The following CRPPA variants were observed in gnomAD, a reference collection of about 807,000 sequenced individuals.
CRPPA encodes CDP-L-ribitol pyrophosphorylase A.
A neutral mutation model predicts 52.0 loss-of-function variants in CRPPA; 43 were observed. The observed-to-expected ratio is 0.83, with a 90% CI of 0.65 to 1.07. The LOEUF is 1.07. Among genes scored for constraint, CRPPA ranks in the 50% least tolerant of loss-of-function variants. The pLI is 0.00. For missense variants in CRPPA, 629 were observed against 551.7 expected (o/e 1.14, Z -1.40); for synonymous variants, 250 against 203.5 (o/e 1.23, Z -1.94).
At position 16,278,155 on chromosome 7, in the gene CRPPA, C is replaced by G. The variant is rs991704762; in HGVS notation, c.907G>C (p.Glu303Gln). 20 of 1,571,524 alleles carry G rather than the reference C, an allele frequency of 1.3e-5. No individual in the cohort carries two copies. The highest frequency in any genetic ancestry group is 1.7e-5 in the Non-Finnish European group (20 of 1,148,578). ...EDNKHVGHLL[E>Q]EVLKSELNHV... is the part of the protein sequence containing the mutation. ...TTTAATTCACTTTTCAGCACTTCTT[C>G]AAGAAGATGACCTACATGTTTGTTA... is the stretch of plus-strand genomic sequence containing the variant. Residue 303 changes from glutamate (E) to glutamine (Q), a missense_variant, in exon 6 of 10, where the codon GAA becomes CAA. Transcript: ENST00000407010.
At chr7:16,095,057 A>T (rs953676321) in intron 9 of CRPPA, among the ~76,000 whole-genome samples, 1 of 152,184 alleles carries the variant, frequency 6.6e-6, no homozygotes, top group Non-Finnish European at 1.5e-5. Flanking sequence ...TAATGGGAGA[A>T]CCTGGGTGTG....
At chr7:16,363,664 C>G (rs529492474) in intron 3 of CRPPA, among the ~76,000 whole-genome samples, 57 of 152,068 alleles carry the variant, frequency 3.7e-4, no homozygotes, top group African/African-American at 1.0e-3. Flanking sequence ...AGAAATGAAA[C>G]AGTCTCTTTA....
intron 6 of CRPPA, among the ~76,000 whole-genome samples, chr7:16,271,202 A>T (rs1784082249): frequency 6.6e-6 from 1 of 152,198 alleles, no homozygotes; most frequent in South Asian, 2.1e-4. Context: ...TTCAGAGTAT[A>T]GATCAGCATT....
Position 16,210,927 on chromosome 7 carries a change from C to T in CRPPA, c.1251+5139G>A, listed in dbSNP as rs773912757. On this transcript the variant is annotated intron_variant, in intron 9 of 9. Transcript: ENST00000407010. ...ACTGTTCAATACATCAGTAGGGTGA[C>T]AATAGTTAACAATCTACTGTACATT... Among the ~76,000 whole-genome samples, 34 of 151,260 alleles carry T rather than the reference C, an allele frequency of 2.2e-4. No individual in the cohort carries two copies. The South Asian group carries it at 2.5e-3, about 11-fold the overall frequency.
chr7:16,095,173 A>G (rs909938435), intron 9 of CRPPA, among the ~76,000 whole-genome samples: 3 of 152,204 alleles, frequency 2.0e-5, no homozygotes, highest in African/African-American at 7.2e-5. Context: ...CTATTTACAA[A>G]TGTTATGTTC....
At chr7:16,108,904 G>A (rs1562508091) in intron 9 of CRPPA, among the ~76,000 whole-genome samples, 2 of 151,594 alleles carry the variant, frequency 1.3e-5, no homozygotes, top group South Asian at 2.1e-4. Flanking sequence ...AATATTTTGC[G>A]ACAAATAGAA....
At chr7:16,209,283 T>G (rs1250799166) in intron 9 of CRPPA, 4 of 201,686 alleles carry the variant, frequency 2.0e-5, no homozygotes, top group Admixed American at 6.2e-5. Flanking sequence ...CTTTTTTTTT[T>G]TTTTTTTGAG....
intron 9 of CRPPA, among the ~76,000 whole-genome samples, chr7:16,158,855 G>A (rs929750826): frequency 6.6e-6 from 1 of 152,144 alleles, no homozygotes; most frequent in Non-Finnish European, 1.5e-5. Flanking sequence ...AGTCCCCTCT[G>A]GCACAAGTGT....
Position 16,114,691 on chromosome 7 carries a change from T to C in CRPPA, c.1252-22892A>G, listed in dbSNP as rs534282078. Among the ~76,000 whole-genome samples the C allele has an allele frequency of 1.1e-4, 16 of 151,628 alleles. No individual in the cohort carries two copies. The South Asian group carries it at 3.3e-3, about 32-fold the overall frequency. On this transcript the variant is annotated intron_variant, in intron 9 of 9. Transcript: ENST00000407010. ...GAAGAAATATTTGGCAACAGAGTAA[T>C]GAAGAGGAAAAGAAAAAAAATTAGG...
chr7:16,194,792 T>A (rs1327334823), intron 9 of CRPPA, among the ~76,000 whole-genome samples: 2 of 151,770 alleles, frequency 1.3e-5, no homozygotes. Flanking sequence ...TGGAAACCTG[T>A]GTGAACTTTG....
intron 9 of CRPPA, among the ~76,000 whole-genome samples, chr7:16,146,759 T>C (rs1162960566): frequency 6.6e-6 from 1 of 151,864 alleles, no homozygotes; most frequent in Admixed American, 6.6e-5. Context: ...AAATGTATAA[T>C]AGACACACAA....
At chr7:16,252,142 G>GA (rs1394627843) in intron 8 of CRPPA, among the ~76,000 whole-genome samples, 1 of 151,990 alleles carries the variant, frequency 6.6e-6, no homozygotes, top group Non-Finnish European at 1.5e-5. Context: ...ACATCGATGT[G>GA]AAAATCCTGA....
intron 9 of CRPPA, among the ~76,000 whole-genome samples, chr7:16,188,042 A>ATTT (rs34518390): frequency 1.7e-5 from 2 of 115,520 alleles, no homozygotes; most frequent in Non-Finnish European, 3.7e-5. Flanking sequence ...ATTTGGGTGA[A>ATTT]TTTTTTTTTT....
At chr7:16,252,154 T>A (rs2128410087) in intron 8 of CRPPA, among the ~76,000 whole-genome samples, 1 of 152,154 alleles carries the variant, frequency 6.6e-6, no homozygotes, top group Middle Eastern at 3.4e-3. Flanking sequence ...AAATCCTGAA[T>A]AAAATACTGG....
intron 5 of CRPPA, among the ~76,000 whole-genome samples, chr7:16,295,360 T>G (rs1784649374): frequency 6.6e-6 from 1 of 152,042 alleles, no homozygotes; most frequent in African/African-American, 2.4e-5. Flanking sequence ...GAAAAAAGAT[T>G]AACTAAAGCC....
At chr7:16,400,467 G>A (rs377096270) in intron 2 of CRPPA, among the ~76,000 whole-genome samples, 54 of 152,246 alleles carry the variant, frequency 3.5e-4, no homozygotes, top group African/African-American at 7.2e-4. Context: ...ACACATGACC[G>A]ACACCTGATT....
At chr7:16,356,050 C>G (rs557806284) in intron 3 of CRPPA, among the ~76,000 whole-genome samples, 2 of 129,426 alleles carry the variant, frequency 1.5e-5, no homozygotes, top group East Asian at 5.1e-4. Context: ...ATAAGTGGAA[C>G]TGGAAAAAAA....
chr7:16,152,745 C>T (rs997387445), intron 9 of CRPPA, among the ~76,000 whole-genome samples: 4 of 151,786 alleles, frequency 2.6e-5, no homozygotes, highest in Non-Finnish European at 5.9e-5. Context: ...AAGATTATTC[C>T]CAAAGCCTTT....
intron 3 of CRPPA, among the ~76,000 whole-genome samples, chr7:16,314,730 A>C (rs1583512523): frequency 6.6e-6 from 1 of 152,016 alleles, no homozygotes; most frequent in East Asian, 1.9e-4. Flanking sequence ...TAAATATTTT[A>C]TTTTCTTCCT....
Sources: gnomAD v4.1 joint callset for allele counts (sites outside exome capture counted in the v4.1 genomes callset) on GRCh38, gnomAD v4.1.1 for gene constraint, MANE v1.5 for transcripts, NCBI Gene and HGNC (gene_info 2026-07-23, HGNC 2026-07-21) for gene names.